The following ADGRL3 variants were observed in gnomAD, a reference collection of about 807,000 sequenced individuals.
ADGRL3 encodes calcium-independent alpha-latrotoxin receptor 3.
In ADGRL3, 62 loss-of-function variants were observed where a neutral mutation model predicts 153.5. The observed-to-expected ratio is 0.40, with a 90% CI of 0.33 to 0.50. The LOEUF (loss-of-function observed/expected upper bound fraction) is 0.50, where lower values mean the gene tolerates loss of function less well. ADGRL3 is among the 20% of genes least tolerant of loss of function. ADGRL3 has a pLI of 0.47. For missense variants in ADGRL3, 1,641 were observed against 1,859.4 expected, an observed-to-expected ratio of 0.88 and a Z score of 2.16; for synonymous variants, 710 against 672.5, an observed-to-expected ratio of 1.06 and a Z score of -0.86.
chr4:61,933,491 C>A (rs2098826284), intron 13 of ADGRL3, among the ~76,000 whole-genome samples: 1 of 151,960 alleles, frequency 6.6e-6, no homozygotes, highest in Admixed American at 6.6e-5. Context: ...TCGTGAGAGA[C>A]TTTTTCGATT....
Position 61,892,925 on chromosome 4 carries a change from A to T in ADGRL3, c.1750A>T (p.Ile584Leu). Residue 584 changes from isoleucine (I) to leucine (L), a missense_variant, in exon 10 of 27, where the codon ATA (isoleucine) becomes TTA (leucine). By Grantham distance (5) the Ile-to-Leu change is conservative. Transcript: ENST00000683033. ...GTGGTTTAAGACTCGTCAAGGACAG[A>T]TAGCAAAGCAGCCATGCCCTGCAGG... ...IMWFKTRQGQ[I>L]AKQPCPAGTI... 3.9e-6 allele frequency: 6 copies of T among 1,544,662 alleles called. No individual in the cohort carries two copies. Among genetic ancestry groups the T allele is most frequent in the Non-Finnish European group, 4.3e-6 (5 of 1,150,532 alleles).
chr4:61,516,195 T>C (rs1477492034), intron 3 of ADGRL3, among the ~76,000 whole-genome samples: 1 of 152,094 alleles, frequency 6.6e-6, no homozygotes, highest in Non-Finnish European at 1.5e-5. Flanking sequence ...ACTTCTAATC[T>C]GCAGATATTT....
rs28703199 is a variant in ADGRL3, at chr4:62,007,395, C to T, written c.3395+9130C>T. Among the ~76,000 whole-genome samples, 307 of 76,032 alleles carry T rather than the reference C, an allele frequency of 4.0e-3. 4 individuals are homozygous for T. The highest frequency in any genetic ancestry group is 5.5e-3 in the African/African-American group (105 of 18,962). 49.9% of individuals were successfully genotyped at this position (76,032 alleles called of 152,430 possible). On this transcript the variant is annotated intron_variant, in intron 21 of 26. Transcript: ENST00000683033. ...ATATATATATATATACACACACACA[C>T]ATATATATATACACGTATATATATA...
At chr4:61,338,393 CTGTGTGTGTG>C (rs4038726) in intron 1 of ADGRL3, among the ~76,000 whole-genome samples, 3 of 149,882 alleles carry the variant, frequency 2.0e-5, no homozygotes, top group Non-Finnish European at 4.4e-5. Flanking sequence ...CAGTGTGTGT[CTGTGTGTGTG>C]TGTGTGTGTG....
intron 8 of ADGRL3, among the ~76,000 whole-genome samples, chr4:61,746,122 A>T (rs1326782034): frequency 6.6e-6 from 1 of 152,228 alleles, no homozygotes; most frequent in Non-Finnish European, 1.5e-5. Context: ...GCCATTAAAT[A>T]ATAGTAAAGA....
intron 4 of ADGRL3, among the ~76,000 whole-genome samples, chr4:61,578,133 T>C (rs1280948458): frequency 2.6e-5 from 4 of 152,074 alleles, no homozygotes; most frequent in African/African-American, 9.7e-5. Context: ...GATATTCTTG[T>C]ATTTCCTTAC....
chr4:61,934,907 C>T lies in ADGRL3; in HGVS notation c.2180C>T (p.Thr727Met), dbSNP rs777589732. 57 of 1,613,678 alleles carry T rather than the reference C, an allele frequency of 3.5e-5. No individual in the cohort carries two copies. The highest frequency in any genetic ancestry group is 1.6e-4 in the Middle Eastern group (1 of 6,082). Residue 727 changes from threonine (T) to methionine (M), a missense_variant, in exon 14 of 27, where the codon ACG becomes ATG. This residue lies in a region of ADGRL3 where 734 missense variants were observed against 797.0 expected (regional missense o/e 0.92). Coordinates refer to ENST00000683033, the MANE Select transcript of ADGRL3 (RefSeq NM_001387552.1). The part of the protein sequence containing the change: ...QALNAWRDLT[T>M]SDQLRAATML... ...TTGAATGCATGGAGAGACCTGACTA[C>T]GAGTGATCAGCTGCGTGCGGCCACC...
At chr4:61,460,815 T>A (rs1218199527) in intron 2 of ADGRL3, among the ~76,000 whole-genome samples, 1 of 152,180 alleles carries the variant, frequency 6.6e-6, no homozygotes, top group South Asian at 2.1e-4. Flanking sequence ...ATGCCTGTAA[T>A]CCCAGCACTT....
intron 5 of ADGRL3, among the ~76,000 whole-genome samples, chr4:61,657,166 A>G (rs2094464095): frequency 6.6e-6 from 1 of 152,080 alleles, no homozygotes; most frequent in Non-Finnish European, 1.5e-5. Flanking sequence ...CATTTTCCCC[A>G]TCATTTTTAT....
intron 5 of ADGRL3, among the ~76,000 whole-genome samples, chr4:61,595,706 G>T (rs1454607663): frequency 1.3e-5 from 2 of 152,128 alleles, no homozygotes; most frequent in African/African-American, 2.4e-5. Context: ...AAGTTCACTG[G>T]CTCTAAGCCT....
rs908063226 is a variant in ADGRL3 at position 62,072,048 on chromosome 4, C to A, written c.*1140C>A. ...GGACACTAGCTATGATTCTAGAAGT[C>A]AAAAGGTGTCTATAGAACTAGTGGG... is the stretch of plus-strand genomic sequence containing the variant. On this transcript the variant is annotated 3_prime_UTR_variant, in exon 27 of 27. Transcript: ENST00000683033. 5.9e-6 allele frequency: 1 copy of A among 170,028 alleles called. No individual in the cohort carries two copies. Among genetic ancestry groups the A allele is most frequent in the Non-Finnish European group, 1.3e-5 (1 of 79,674 alleles). 10.5% of individuals were successfully genotyped at this position (170,028 alleles called of 1,614,324 possible). A position where few individuals can be genotyped will look rare whatever the true frequency, so the allele number is the denominator to read the frequency against.
intron 9 of ADGRL3, among the ~76,000 whole-genome samples, chr4:61,814,850 CA>C (rs2097670583): frequency 6.6e-6 from 1 of 152,010 alleles, no homozygotes; most frequent in Non-Finnish European, 1.5e-5. Context: ...GTCAGTTTTC[CA>C]AATGCCGCCT....
At chr4:61,704,670 G>A (rs902194647) in intron 6 of ADGRL3, among the ~76,000 whole-genome samples, 3 of 152,104 alleles carry the variant, frequency 2.0e-5, no homozygotes, top group African/African-American at 7.2e-5. Flanking sequence ...ATCATGACAG[G>A]CTTTTTTGAT....
intron 1 of ADGRL3, among the ~76,000 whole-genome samples, chr4:61,361,877 T>A: frequency 6.6e-6 from 1 of 151,332 alleles, no homozygotes; most frequent in East Asian, 1.9e-4. Flanking sequence ...TACTCAACCA[T>A]AAAATTGAAG....
At chr4:61,373,362 A>G (rs1040186747) in intron 1 of ADGRL3, among the ~76,000 whole-genome samples, 2 of 152,224 alleles carry the variant, frequency 1.3e-5, no homozygotes, top group Admixed American at 6.5e-5. Context: ...TTGAAATAGT[A>G]TCCTAGAGAA....
chr4:61,971,319 C>A (rs529894697), intron 17 of ADGRL3, among the ~76,000 whole-genome samples: 1,691 of 152,064 alleles, frequency 0.011, 34 homozygotes, highest in African/African-American at 0.039. Context: ...CCCACCACCC[C>A]ACAACAGTCC....
intron 6 of ADGRL3, among the ~76,000 whole-genome samples, chr4:61,698,286 CT>C (rs2095679475): frequency 6.6e-6 from 1 of 152,012 alleles, no homozygotes; most frequent in African/African-American, 2.4e-5. Context: ...CGCGTCTCTA[CT>C]AAAAATACAA....
At chr4:61,737,629 A>G (rs2096534588) in intron 8 of ADGRL3, among the ~76,000 whole-genome samples, 1 of 152,240 alleles carries the variant, frequency 6.6e-6, no homozygotes, top group Non-Finnish European at 1.5e-5. Flanking sequence ...TATATGTAAT[A>G]GGCACAATAC....
chr4:61,609,271 CAT>C (rs1491481595), intron 5 of ADGRL3, among the ~76,000 whole-genome samples: 4 of 152,092 alleles, frequency 2.6e-5, no homozygotes, highest in African/African-American at 7.2e-5. Context: ...AATCTAAACT[CAT>C]GTGTTATTCC....
Sources: allele counts gnomAD v4.1 joint callset (sites outside exome capture counted in the v4.1 genomes callset), GRCh38; gene constraint gnomAD v4.1.1; regional missense constraint gnomAD v4.1.1; transcripts MANE v1.5; gene names NCBI Gene and HGNC (gene_info 2026-07-23, HGNC 2026-07-21).